Variants in PCGF5 observed in about 807,000 individuals in gnomAD.
PCGF5 encodes polycomb group ring finger 5.
PCGF5 carries 9 observed loss-of-function variants against 44.3 expected under a neutral mutation model. The observed-to-expected ratio is 0.20, with a 90% CI of 0.12 to 0.35. PCGF5 has a LOEUF of 0.35. Ranked by LOEUF, PCGF5 falls within the 10% of genes least tolerant of loss-of-function variation. The probability of loss-of-function intolerance (pLI) is 1.00; values close to 1 mark genes in which losing one functional copy is unlikely to be tolerated. For missense variants in PCGF5, 146 were observed against 305.3 expected (o/e 0.48, Z 3.89); for synonymous variants, 95 against 102.5 (o/e 0.93, Z 0.44).
At chr10:91,201,410 G>A (rs1026638183) in intron 1 of PCGF5, among the ~76,000 whole-genome samples, 3 of 152,206 alleles carry the variant, frequency 2.0e-5, no homozygotes, top group East Asian at 1.9e-4. Context: ...TGCCATCAAC[G>A]TATGAATTTG....
chr10:91,232,024 A>AT (rs1453573840), intron 2 of PCGF5, among the ~76,000 whole-genome samples: 1 of 152,184 alleles, frequency 6.6e-6, no homozygotes, highest in East Asian at 1.9e-4. Flanking sequence ...TATTTAAACA[A>AT]TGAAAGTTTG....
At chr10:91,270,535 G>A (rs1030531368) in intron 8 of PCGF5, among the ~76,000 whole-genome samples, 2 of 152,166 alleles carry the variant, frequency 1.3e-5, no homozygotes, top group African/African-American at 4.8e-5. Context: ...GAGCCGAGCT[G>A]AGCCCGCCTT....
chr10:91,269,792 T>C (rs1846135718), intron 8 of PCGF5, among the ~76,000 whole-genome samples: 1 of 152,186 alleles, frequency 6.6e-6, no homozygotes, highest in Admixed American at 6.5e-5. Flanking sequence ...ATTTCTTCTG[T>C]GAACTTACCT....
rs563094041 is a variant in PCGF5 at position 91,260,264 on chromosome 10, C to G, written c.475-1062C>G. 2.0e-5 allele frequency among the ~76,000 whole-genome samples: 3 copies of G among 152,256 alleles called. No individual in the cohort carries two copies. The South Asian group carries it at 6.2e-4, about 32-fold the overall frequency. ...TGCAAATCAAACCACAATGAGATAC[C>G]ATCTCACACCAGTTAGAATGGCCAT... On this transcript the variant is annotated intron_variant, in intron 6 of 9. Coordinates refer to ENST00000336126, the MANE Select transcript of PCGF5 (RefSeq NM_032373.5).
In PCGF5 at chr10:91,240,464, AAC is replaced by A; in HGVS notation, c.113-18_113-17del. Reference sequence around the variant, plus strand: ...GCGTTCATATGATGCGTTTTAACCTAACATCTTCTTTCTTCTTAGTCTGTAAG... The same window carrying A: ...GCGTTCATATGATGCGTTTTAACCTAATCTTCTTTCTTCTTAGTCTGTAAG... On this transcript the variant is annotated intron_variant, in intron 2 of 9. Coordinates refer to ENST00000336126, the MANE Select transcript of PCGF5 (RefSeq NM_032373.5). The A allele has an allele frequency of 6.4e-7, 1 of 1,552,184 alleles. No homozygotes were observed. The highest frequency in any genetic ancestry group is 8.8e-7 in the Non-Finnish European group (1 of 1,130,236).
chr10:91,279,903 G>A lies in PCGF5; in HGVS notation c.*1587G>A, dbSNP rs1349281064. 1 of 152,006 alleles carries A rather than the reference G, an allele frequency of 6.6e-6. No individual in the cohort carries two copies. The allele number at this position is 152,006 out of a possible 1,614,324, so 9.4% of individuals were successfully genotyped here. A position where few individuals can be genotyped will look rare whatever the true frequency, so the allele number is the denominator to read the frequency against. ...AACTCTAGCAAACATACAAAGTACA[G>A]CTAAATCTTAATATATTTCACTATG... On this transcript the variant is annotated 3_prime_UTR_variant, in exon 10 of 10. Transcript: ENST00000336126.
intron 6 of PCGF5, among the ~76,000 whole-genome samples, chr10:91,260,394 C>T (rs571624661): frequency 1.4e-4 from 22 of 152,292 alleles, no homozygotes; most frequent in South Asian, 2.1e-4. Context: ...TTGTGGAAGT[C>T]GATGTGGCGA....
intron 3 of PCGF5, 46 bp downstream of exon 3, chr10:91,240,626 A>C: frequency 8.0e-7 from 1 of 1,250,504 alleles, no homozygotes; most frequent in South Asian, 1.3e-5. Context: ...CATAAATTGA[A>C]TAGGCTCTTA....
intron 1 of PCGF5, among the ~76,000 whole-genome samples, chr10:91,193,513 C>T (rs1476281649): frequency 2.6e-5 from 4 of 151,614 alleles, no homozygotes; most frequent in Admixed American, 6.6e-5. Flanking sequence ...CAGCCAAGTC[C>T]TAAGGGGAGG....
rs150577718 is a variant in PCGF5, at chr10:91,279,856, T to G, written c.*1540T>G. On this transcript the variant is annotated 3_prime_UTR_variant, in exon 10 of 10. Coordinates refer to ENST00000336126, the MANE Select transcript of PCGF5 (RefSeq NM_032373.5). ...AATGCCTTCTGAATTTCAAAATGAT[T>G]CTTAGAAATAAGATATTGTACAACT... 4.6e-5 allele frequency: 7 copies of G among 152,246 alleles called. No homozygotes were observed. The East Asian group carries it at 1.3e-3, about 29-fold the overall frequency. The allele number at this position is 152,246 out of a possible 1,614,324, so 9.4% of individuals were successfully genotyped here.
chr10:91,196,421 T>C (rs1246742419), intron 1 of PCGF5, among the ~76,000 whole-genome samples: 1 of 152,228 alleles, frequency 6.6e-6, no homozygotes, highest in Non-Finnish European at 1.5e-5. Flanking sequence ...CACAGTATCA[T>C]TGAAGCACAA....
At chr10:91,238,887 T>G (rs1845251214) in intron 2 of PCGF5, among the ~76,000 whole-genome samples, 1 of 152,084 alleles carries the variant, frequency 6.6e-6, no homozygotes, top group Non-Finnish European at 1.5e-5. Context: ...AAGCTTTTTC[T>G]TTTTTTAAGG....
intron 1 of PCGF5, chr10:91,163,173 G>A (rs1843422549): frequency 6.7e-6 from 1 of 149,838 alleles, no homozygotes; most frequent in African/African-American, 2.4e-5. Flanking sequence ...GGGCCGGGGG[G>A]GAGGCCCCGG....
intron 3 of PCGF5, among the ~76,000 whole-genome samples, 183 bp from the exon 4 acceptor site, chr10:91,248,317 GTTATC>G (rs1845523594): frequency 6.6e-6 from 1 of 152,056 alleles, no homozygotes; most frequent in Non-Finnish European, 1.5e-5. Flanking sequence ...GACCATTTTT[GTTATC>G]AGTCTACTAC....
At chr10:91,271,470 T>C (rs1313731100) in intron 8 of PCGF5, among the ~76,000 whole-genome samples, 168 bp from the exon 9 acceptor site, 1 of 152,232 alleles carries the variant, frequency 6.6e-6, no homozygotes, top group African/African-American at 2.4e-5. Flanking sequence ...AGTTACTAAG[T>C]TATTAAAATC....
chr10:91,163,228 CG>C (rs1843424309), intron 1 of PCGF5: 3 of 150,288 alleles, frequency 2.0e-5, no homozygotes, highest in Admixed American at 2.0e-4. Context: ...CCTGGCGCCC[CG>C]GGGTCACAAG....
chr10:91,191,010 G>T lies in PCGF5; in HGVS notation c.-184+27929G>T, dbSNP rs921835077. ...TTACAGGTTTTGTCAAAATCCTTAC[G>T]CTGACAGTTACAGTAGTTCTCCCTG... On this transcript the variant is annotated intron_variant, in intron 1 of 9. Coordinates refer to the PCGF5 transcript ENST00000614189. Among the ~76,000 whole-genome samples, 3 of 152,046 alleles carry T rather than the reference G, an allele frequency of 2.0e-5. No homozygotes were observed. In the East Asian group the frequency reaches 5.8e-4, roughly 29 times the overall value.
upstream of PCGF5, among the ~76,000 whole-genome samples, chr10:91,218,192 C>T (rs1844581158): frequency 6.6e-6 from 1 of 152,192 alleles, no homozygotes; most frequent in South Asian, 2.1e-4. Context: ...TGTCTTGGCT[C>T]TACCAGAATC....
At chr10:91,218,571 A>T (rs1295887834), upstream of PCGF5, among the ~76,000 whole-genome samples, 1 of 152,130 alleles carries the variant, frequency 6.6e-6, no homozygotes. Context: ...CTGCATACAC[A>T]TCACACAGGA....
Sources: gnomAD v4.1 joint callset for allele counts (sites outside exome capture counted in the v4.1 genomes callset) on GRCh38, gnomAD v4.1.1 for gene constraint, MANE v1.5 for transcripts, NCBI Gene and HGNC (gene_info 2026-07-23, HGNC 2026-07-21) for gene names.